TBC1D8: variants seen among roughly 807,000 people sequenced by gnomAD.
TBC1D8 encodes TBC1 domain family member 8.
Under a neutral mutation model 118.8 loss-of-function variants are expected in TBC1D8, and 65 were observed. The observed-to-expected ratio is 0.55, with a 90% confidence interval of 0.45 to 0.67. TBC1D8 has a LOEUF of 0.67. Among genes scored for constraint, TBC1D8 ranks in the 30% least tolerant of loss-of-function variants. TBC1D8 has a pLI of 0.00. For missense variants in TBC1D8, 1,376 were observed against 1,471.2 expected, an observed-to-expected ratio of 0.94 and a Z score of 1.06; for synonymous variants, 566 against 595.8, an observed-to-expected ratio of 0.95 and a Z score of 0.73.
chr2:101,026,950 C>T (rs1680373061), intron 15 of TBC1D8, among the ~76,000 whole-genome samples: 2 of 152,150 alleles, frequency 1.3e-5, no homozygotes, highest in African/African-American at 4.8e-5. Flanking sequence ...ATCTGCCACA[C>T]AAATAGGAAA....
At chr2:101,107,359 A>G (rs2582931) in intron 1 of TBC1D8, among the ~76,000 whole-genome samples, 16,930 of 152,036 alleles carry the variant, frequency 0.11, 1,183 homozygotes, top group South Asian at 0.2. Flanking sequence ...TCCAAAAGAG[A>G]TAAGCATTTG....
chr2:101,053,736 C>T (rs1212208685), intron 4 of TBC1D8, among the ~76,000 whole-genome samples: 4 of 152,128 alleles, frequency 2.6e-5, no homozygotes, highest in Non-Finnish European at 1.5e-5. Context: ...GGGGCAGTCC[C>T]GACCTTCAGC....
At chr2:101,033,307 G>C (rs1680784878) in intron 10 of TBC1D8, 3 of 584,046 alleles carry the variant, frequency 5.1e-6, no homozygotes, top group Non-Finnish European at 6.2e-6. Flanking sequence ...AGTAGATGGG[G>C]TTTCACCATG....
At chr2:101,065,637 G>C (rs758055970) in intron 2 of TBC1D8, among the ~76,000 whole-genome samples, 1 of 152,128 alleles carries the variant, frequency 6.6e-6, no homozygotes, top group Non-Finnish European at 1.5e-5. Flanking sequence ...TTTCAGTCGG[G>C]TATATTTCTC....
chr2:101,113,455 T>G (rs115677261), intron 1 of TBC1D8, among the ~76,000 whole-genome samples: 53 of 152,192 alleles, frequency 3.5e-4, no homozygotes, highest in African/African-American at 1.3e-3. Flanking sequence ...TCTTGTTTCA[T>G]GATCAGAGAC....
chr2:101,055,602 G>A (rs931784223), intron 3 of TBC1D8, among the ~76,000 whole-genome samples: 1 of 152,170 alleles, frequency 6.6e-6, no homozygotes, highest in Non-Finnish European at 1.5e-5. Context: ...CCAAAACTGA[G>A]TAACAAGTAG....
In TBC1D8 at chr2:101,007,648, T is replaced by C. The variant is rs1678827012; in HGVS notation, c.*173A>G. 5 of 662,140 alleles carry C rather than the reference T, an allele frequency of 7.6e-6. No homozygotes were observed. The highest frequency in any genetic ancestry group is 5.8e-5 in the Admixed American group (2 of 34,620). The allele number at this position is 662,140 out of a possible 1,614,324, so 41.0% of individuals were successfully genotyped here. Reference sequence around the variant, plus strand: ...TAGGGCACTGACAATTCTCAATACATAGAAATGCTTGAGGGTTGTGTCGGT... The same window carrying C: ...TAGGGCACTGACAATTCTCAATACACAGAAATGCTTGAGGGTTGTGTCGGT... On this transcript the variant is annotated 3_prime_UTR_variant, in exon 20 of 20. Coordinates refer to ENST00000409318, the MANE Select transcript of TBC1D8 (RefSeq NM_001330348.2).
At chr2:101,026,478 CAA>C (rs1680341730) in intron 15 of TBC1D8, among the ~76,000 whole-genome samples, 1 of 152,232 alleles carries the variant, frequency 6.6e-6, no homozygotes, top group Non-Finnish European at 1.5e-5. Flanking sequence ...ACTAACCCAA[CAA>C]CCCTGCAGTC....
At chr2:101,137,764 CAT>C (rs1678921278) in intron 1 of TBC1D8, among the ~76,000 whole-genome samples, 1 of 152,156 alleles carries the variant, frequency 6.6e-6, no homozygotes, top group East Asian at 1.9e-4. Flanking sequence ...ATGCAGGCTC[CAT>C]GTGACATGAA....
At chr2:101,134,661 T>C (rs1406424878) in intron 1 of TBC1D8, among the ~76,000 whole-genome samples, 2 of 152,140 alleles carry the variant, frequency 1.3e-5, no homozygotes, top group African/African-American at 2.4e-5. Context: ...AACAGCCCTA[T>C]AGGATCAGGG....
chr2:101,030,380 A>T (rs976243594), intron 11 of TBC1D8, among the ~76,000 whole-genome samples: 2 of 152,262 alleles, frequency 1.3e-5, no homozygotes, highest in Admixed American at 6.5e-5. Context: ...AACACTCAGA[A>T]GAGCCAATAA....
At chr2:101,017,703 CAG>C (rs1679757986) in intron 17 of TBC1D8, among the ~76,000 whole-genome samples, 1 of 152,210 alleles carries the variant, frequency 6.6e-6, no homozygotes, top group Non-Finnish European at 1.5e-5. Context: ...ATCATTCTAA[CAG>C]ATATCCATGG....
chr2:101,007,746 G>C lies in TBC1D8; in HGVS notation c.*75C>G. ...TAAGGTAGACTGAAATCTCGGTTTA[G>C]GGCTGACCCCAAGAAACAGTCTGGT... On this transcript the variant is annotated 3_prime_UTR_variant, in exon 20 of 20. Coordinates refer to ENST00000409318, the MANE Select transcript of TBC1D8 (RefSeq NM_001330348.2). 2.7e-6 allele frequency: 4 copies of C among 1,477,390 alleles called. No homozygotes were observed. The highest frequency in any genetic ancestry group is 3.6e-4 in the Middle Eastern group (2 of 5,618). The allele number at this position is 1,477,390 out of a possible 1,614,324, so 91.5% of individuals were successfully genotyped here. A position where few individuals can be genotyped will look rare whatever the true frequency, so the allele number is the denominator to read the frequency against.
At chr2:101,101,371 G>A (rs1056205958) in intron 1 of TBC1D8, among the ~76,000 whole-genome samples, 3 of 152,134 alleles carry the variant, frequency 2.0e-5, no homozygotes, top group Admixed American at 6.6e-5. Context: ...CAGTCAGAAT[G>A]GCAATTATTA....
intron 1 of TBC1D8, among the ~76,000 whole-genome samples, chr2:101,147,625 T>A (rs984127699): frequency 4.6e-5 from 7 of 152,248 alleles, no homozygotes; most frequent in African/African-American, 1.7e-4. Context: ...TTGATGTACC[T>A]GTTAGCCATC....
chr2:101,038,120 C>G (rs562518185), intron 7 of TBC1D8, among the ~76,000 whole-genome samples: 6 of 152,262 alleles, frequency 3.9e-5, no homozygotes, highest in African/African-American at 1.2e-4. Context: ...AGACCAGGCC[C>G]CAGCCACCCC....
chr2:101,059,006 C>A (rs938952196), intron 3 of TBC1D8, among the ~76,000 whole-genome samples: 1 of 151,916 alleles, frequency 6.6e-6, no homozygotes. Context: ...CCCGGGTTCA[C>A]GCCATTCTCT....
chr2:101,133,791 A>C (rs1678704889), intron 1 of TBC1D8, among the ~76,000 whole-genome samples: 1 of 152,224 alleles, frequency 6.6e-6, no homozygotes, highest in Non-Finnish European at 1.5e-5. Flanking sequence ...GGCAATTAAT[A>C]AAGGATAGAG....
chr2:101,130,336 G>A (rs934207626), intron 1 of TBC1D8, among the ~76,000 whole-genome samples: 9 of 152,274 alleles, frequency 5.9e-5, no homozygotes, highest in Admixed American at 6.5e-5. Context: ...AGGTGCCCGC[G>A]CCCTGAGGCC....
Sources: allele counts gnomAD v4.1 joint callset (sites outside exome capture counted in the v4.1 genomes callset), GRCh38; gene constraint gnomAD v4.1.1; transcripts MANE v1.5; gene names NCBI Gene and HGNC (gene_info 2026-07-23, HGNC 2026-07-21).